SYT1: variants seen among roughly 807,000 people sequenced by gnomAD.
The protein encoded by SYT1 is synaptotagmin-1.
In SYT1, 8 loss-of-function variants were observed where a neutral mutation model predicts 44.8. The observed-to-expected ratio is 0.18, with a 90% CI of 0.10 to 0.32. The LOEUF (loss-of-function observed/expected upper bound fraction) is 0.32. Ranked by LOEUF, SYT1 falls within the 10% of genes least tolerant of loss-of-function variation. The pLI is 1.00. For missense variants in SYT1, 286 were observed against 509.3 expected (o/e 0.56, Z 4.22); for synonymous variants, 154 against 188.8 (o/e 0.82, Z 1.51).
At chr12:79,095,380 T>A (rs914644327) in intron 3 of SYT1, among the ~76,000 whole-genome samples, 1 of 151,934 alleles carries the variant, frequency 6.6e-6, no homozygotes, top group Non-Finnish European at 1.5e-5. Flanking sequence ...AAAACTGATT[T>A]TTATTATTTT....
chr12:79,175,692 T>C (rs918238145), intron 3 of SYT1, among the ~76,000 whole-genome samples: 5 of 151,866 alleles, frequency 3.3e-5, no homozygotes, highest in Admixed American at 3.3e-4. Context: ...AAGGCAGGAG[T>C]AGAGACAATT....
At chr12:78,881,921 T>A (rs1411650234) in intron 1 of SYT1, among the ~76,000 whole-genome samples, 1 of 151,772 alleles carries the variant, frequency 6.6e-6, no homozygotes, top group Non-Finnish European at 1.5e-5. Flanking sequence ...TCAGAGAGGA[T>A]ACTTCTGATC....
chr12:79,081,236 T>C (rs1877009295), intron 3 of SYT1, among the ~76,000 whole-genome samples: 1 of 152,204 alleles, frequency 6.6e-6, no homozygotes, highest in African/African-American at 2.4e-5. Flanking sequence ...TCAGCCCCCT[T>C]GTGTCTTCTC....
At chr12:79,421,195 T>C (rs1224398283) in intron 9 of SYT1, among the ~76,000 whole-genome samples, 1 of 152,148 alleles carries the variant, frequency 6.6e-6, no homozygotes, top group Non-Finnish European at 1.5e-5. Context: ...CATTTTATTT[T>C]GGGGAGGAGG....
chr12:78,977,412 T>A (rs1181624517), intron 1 of SYT1: 1 of 152,228 alleles, frequency 6.6e-6, no homozygotes. Context: ...TAGAGTCTTG[T>A]TAGCAAAACA....
chr12:79,125,793 A>C lies in SYT1; in HGVS notation c.-18+78431A>C, dbSNP rs1868400714. Among the ~76,000 whole-genome samples, 2 of 152,318 alleles carry C rather than the reference A, an allele frequency of 1.3e-5. 1 individual carries two copies. Among genetic ancestry groups the C allele is most frequent in the Admixed American group, 1.3e-4 (2 of 15,298 alleles). On this transcript the variant is annotated intron_variant, in intron 3 of 10. Coordinates refer to ENST00000261205, the MANE Select transcript of SYT1 (RefSeq NM_005639.3). ...AAATAACATTCACTCTTCCTGGAAC[A>C]GGTAGCCCCCAAGTTTCTTCATGTC...
chr12:78,972,813 C>T (rs1371881171), intron 1 of SYT1, among the ~76,000 whole-genome samples: 3 of 151,678 alleles, frequency 2.0e-5, no homozygotes, highest in African/African-American at 7.3e-5. Flanking sequence ...TAAGTTATAT[C>T]CCCACCAGTC....
chr12:79,214,217 T>C (rs1352159441), intron 3 of SYT1, among the ~76,000 whole-genome samples: 1 of 152,192 alleles, frequency 6.6e-6, no homozygotes. Context: ...CACAGTGGTA[T>C]GCACTAAGTA....
intron 1 of SYT1, among the ~76,000 whole-genome samples, chr12:78,874,086 C>T (rs905894721): frequency 5.3e-5 from 8 of 151,600 alleles, no homozygotes; most frequent in African/African-American, 1.9e-4. Context: ...ATGTCAGGCA[C>T]TTTTCTATGT....
intron 4 of SYT1, among the ~76,000 whole-genome samples, chr12:79,273,029 T>A (rs1199790648): frequency 6.6e-6 from 1 of 152,190 alleles, no homozygotes; most frequent in Admixed American, 6.5e-5. Flanking sequence ...GAAAAGACAG[T>A]TTTTTACCCC....
chr12:79,041,635 G>T (rs958291281), intron 2 of SYT1, among the ~76,000 whole-genome samples: 59 of 151,838 alleles, frequency 3.9e-4, no homozygotes, highest in African/African-American at 5.6e-4. Flanking sequence ...CTGCCTAATT[G>T]CCCTGGCCAG....
chr12:79,340,991 G>T (rs906447834), intron 8 of SYT1, among the ~76,000 whole-genome samples: 1 of 151,998 alleles, frequency 6.6e-6, no homozygotes, highest in African/African-American at 2.4e-5. Flanking sequence ...ATTTTATGTT[G>T]AATTTTTGTT....
At chr12:78,868,003 C>G (rs1227498379) in intron 1 of SYT1, among the ~76,000 whole-genome samples, 1 of 151,842 alleles carries the variant, frequency 6.6e-6, no homozygotes, top group Non-Finnish European at 1.5e-5. Context: ...CAGTTCATCA[C>G]TTTTGATGTC....
chr12:79,055,691 G>A (rs925665008), intron 3 of SYT1, among the ~76,000 whole-genome samples: 10 of 151,938 alleles, frequency 6.6e-5, no homozygotes, highest in East Asian at 3.9e-4. Flanking sequence ...TATTTTATAC[G>A]TTTCATATGA....
chr12:79,422,988 G>C (rs1219783055), intron 9 of SYT1, among the ~76,000 whole-genome samples: 1 of 152,008 alleles, frequency 6.6e-6, no homozygotes, highest in Non-Finnish European at 1.5e-5. Flanking sequence ...CTACCCTTCA[G>C]ACAAAAATGA....
intron 9 of SYT1, among the ~76,000 whole-genome samples, chr12:79,416,495 G>C (rs1208989740): frequency 6.6e-6 from 1 of 152,024 alleles, no homozygotes; most frequent in Non-Finnish European, 1.5e-5. Flanking sequence ...TATTATTGTA[G>C]TAAAATAACA....
intron 3 of SYT1, among the ~76,000 whole-genome samples, chr12:79,203,743 TTGTAGATAC>T (rs1873935593): frequency 1.3e-5 from 2 of 152,324 alleles, no homozygotes; most frequent in South Asian, 4.1e-4. Context: ...TTTTCGTAGA[TTGTAGATAC>T]TGTTCATTCT....
intron 9 of SYT1, among the ~76,000 whole-genome samples, chr12:79,417,999 A>T (rs1868860923): frequency 6.6e-6 from 1 of 151,736 alleles, no homozygotes; most frequent in Non-Finnish European, 1.5e-5. Context: ...CTCTACCGTT[A>T]CTCCCTCTGT....
At chr12:79,079,949 A>G (rs953883341) in intron 3 of SYT1, among the ~76,000 whole-genome samples, 3 of 152,094 alleles carry the variant, frequency 2.0e-5, no homozygotes. Flanking sequence ...GTTATGGATA[A>G]CAATCTTAAA....
Sources: gnomAD v4.1 joint callset for allele counts (sites outside exome capture counted in the v4.1 genomes callset) on GRCh38, gnomAD v4.1.1 for gene constraint, MANE v1.5 for transcripts, NCBI Gene and HGNC (gene_info 2026-07-23, HGNC 2026-07-21) for gene names.